Variants in BFSP2 observed in about 807,000 individuals in gnomAD.
BFSP2 encodes the protein phakinin.
BFSP2 carries 38 observed loss-of-function variants against 44.9 expected under a neutral mutation model. The ratio of observed to expected loss-of-function variants is 0.85; its 90% CI spans 0.65 to 1.11. The LOEUF (loss-of-function observed/expected upper bound fraction) is 1.11, where lower values mean the gene tolerates loss of function less well. Among genes scored for constraint, BFSP2 ranks in the 50% least tolerant of loss-of-function variants. The probability of loss-of-function intolerance (pLI) is 0.00; values close to 1 mark genes in which losing one functional copy is unlikely to be tolerated. For missense variants in BFSP2, 525 were observed against 533.0 expected, an observed-to-expected ratio of 0.99 and a Z score of 0.15; for synonymous variants, 197 against 209.9, an observed-to-expected ratio of 0.94 and a Z score of 0.53.
At chr3:133,421,426 C>T (rs11712885) in intron 1 of BFSP2, among the ~76,000 whole-genome samples, 89,273 of 152,096 alleles carry the variant, frequency 0.59, 28,109 homozygotes, top group East Asian at 0.83. Context: ...GCGGGCAATC[C>T]TTGGCCTTCC....
At chr3:133,412,609 G>T (rs535816147) in intron 1 of BFSP2, 1 of 152,268 alleles carries the variant, frequency 6.6e-6, no homozygotes, top group East Asian at 1.9e-4. Context: ...GGTGGGAGCC[G>T]GGCATGGCGT....
chr3:133,434,992 C>G (rs1476774059), intron 1 of BFSP2, among the ~76,000 whole-genome samples: 2 of 152,196 alleles, frequency 1.3e-5, no homozygotes, highest in South Asian at 2.1e-4. Flanking sequence ...CCCTAAAGAA[C>G]TGAGGGCCTT....
intron 1 of BFSP2, among the ~76,000 whole-genome samples, chr3:133,433,047 A>G (rs1021324619): frequency 6.6e-6 from 1 of 152,172 alleles, no homozygotes; most frequent in African/African-American, 2.4e-5. Flanking sequence ...CATACCTGAC[A>G]CATATACTTT....
intron 1 of BFSP2, among the ~76,000 whole-genome samples, chr3:133,444,661 C>G (rs1248870078): frequency 6.6e-6 from 1 of 152,128 alleles, no homozygotes; most frequent in African/African-American, 2.4e-5. Context: ...GCGGTCACCC[C>G]TAATTGTTTT....
Position 133,472,476 on chromosome 3 carries a change from A to T in BFSP2, c.1155A>T (p.Gln385His). 6.2e-7 allele frequency: 1 copy of T among 1,613,810 alleles called. No homozygotes were observed. The highest frequency in any genetic ancestry group is 8.5e-7 in the Non-Finnish European group (1 of 1,180,012). ...TCCGAGCGGAGGCGGAGCAGCAGCA[A>T]CAGGAGCGCGCGCATCTGCTGGCCC... ...REIRAEAEQQQQERAHLLARK... is the reference protein window; with the variant it reads ...REIRAEAEQQHQERAHLLARK... Residue 385 changes from glutamine to histidine, a missense_variant, in exon 6 of 7, where the codon CAA becomes CAT. By Grantham distance (24) the Gln-to-His change is conservative (BLOSUM62 0). Transcript: ENST00000302334.
chr3:133,412,752 T>C (rs1241134519), intron 1 of BFSP2, among the ~76,000 whole-genome samples: 1 of 152,130 alleles, frequency 6.6e-6, no homozygotes. Context: ...CAGCGGGTGT[T>C]CAAGAAACGG....
chr3:133,451,459 A>G (rs2073965080), intron 4 of BFSP2, among the ~76,000 whole-genome samples: 1 of 152,246 alleles, frequency 6.6e-6, no homozygotes, highest in African/African-American at 2.4e-5. Context: ...CAGCGCTGCC[A>G]CTGCAGTGTA....
At position 133,472,569 on chromosome 3, in the gene BFSP2, A is replaced by G; in HGVS notation, c.1244+4A>G. On this transcript the variant is annotated splice_donor_region_variant and intron_variant, in intron 6 of 6. Coordinates refer to ENST00000302334, the MANE Select transcript of BFSP2 (RefSeq NM_003571.4). ...TGCTGGACAGGGAGGAGAGCGGGTA[A>G]GCCTCGCTTCCGCGTCAATTATCCA... 3.1e-6 allele frequency: 5 copies of G among 1,611,288 alleles called. No homozygotes were observed. The highest frequency in any genetic ancestry group is 4.2e-6 in the Non-Finnish European group (5 of 1,179,632).
intron 1 of BFSP2, among the ~76,000 whole-genome samples, chr3:133,440,505 G>T (rs572879107): frequency 1.3e-5 from 2 of 152,100 alleles, no homozygotes; most frequent in African/African-American, 4.8e-5. Flanking sequence ...GTTATAAATG[G>T]TAGGGTTTAA....
chr3:133,450,565 T>A, intron 4 of BFSP2, 101 bp downstream of exon 4: 1 of 1,375,782 alleles, frequency 7.3e-7, no homozygotes, highest in Non-Finnish European at 1.0e-6. Flanking sequence ...AACAACGGTT[T>A]AGTAACAAGT....
chr3:133,445,113 G>A (rs1204370377), intron 1 of BFSP2, among the ~76,000 whole-genome samples: 11 of 152,238 alleles, frequency 7.2e-5, no homozygotes, highest in Admixed American at 7.2e-4. Context: ...AGAAATTAAG[G>A]CAAGAATGAA....
At chr3:133,457,822 T>C (rs1214531000) in intron 4 of BFSP2, among the ~76,000 whole-genome samples, 1 of 152,236 alleles carries the variant, frequency 6.6e-6, no homozygotes, top group Admixed American at 6.5e-5. Context: ...ACTATCTAGC[T>C]AGTCACAGAA....
intron 1 of BFSP2, among the ~76,000 whole-genome samples, chr3:133,411,611 C>T (rs1267361747): frequency 1.3e-5 from 2 of 152,030 alleles, no homozygotes; most frequent in Non-Finnish European, 2.9e-5. Context: ...GTCAGATGAA[C>T]GGGTTAATTC....
At chr3:133,423,809 T>C (rs1395044666) in intron 1 of BFSP2, among the ~76,000 whole-genome samples, 5 of 152,002 alleles carry the variant, frequency 3.3e-5, no homozygotes, top group Admixed American at 1.3e-4. Context: ...AGCGGCAAAA[T>C]GTTCTTTGTG....
rs547433319 is a variant in BFSP2 at position 133,402,950 on chromosome 3, A to G, written c.489+2378A>G. ...GAGTCACCATGCCCAGCCTGGAGTT[A>G]CTTTTTCTATATTGCACAGCCCAGC... On this transcript the variant is annotated intron_variant, in intron 1 of 6. Transcript: ENST00000302334. Among the ~76,000 whole-genome samples the G allele has an allele frequency of 1.3e-4, 20 of 152,192 alleles. No individual in the cohort carries two copies. In the South Asian group the frequency reaches 3.7e-3, roughly 28 times the overall value.
chr3:133,447,217 G>A (rs1426443836), intron 1 of BFSP2, 100 bp from the exon 2 acceptor site: 1 of 1,220,686 alleles, frequency 8.2e-7, no homozygotes, highest in Non-Finnish European at 1.2e-6. Context: ...AAGGTTCTCT[G>A]AGGTCCCCCA....
At chr3:133,421,792 C>A (rs1391047089) in intron 1 of BFSP2, among the ~76,000 whole-genome samples, 2 of 152,214 alleles carry the variant, frequency 1.3e-5, no homozygotes, top group Admixed American at 1.3e-4. Flanking sequence ...TTCATCCTCT[C>A]TTCCTTTTGT....
chr3:133,473,378 C>T (rs977577295), intron 6 of BFSP2, among the ~76,000 whole-genome samples: 5 of 148,244 alleles, frequency 3.4e-5, no homozygotes, highest in Non-Finnish European at 7.4e-5. Flanking sequence ...CATATGCCAG[C>T]CACAGATCCA....
intron 1 of BFSP2, among the ~76,000 whole-genome samples, chr3:133,427,296 T>C (rs562608359): frequency 3.9e-5 from 6 of 152,334 alleles, no homozygotes; most frequent in African/African-American, 1.4e-4. Context: ...GAACCCAGCA[T>C]GTTCTCCGTA....
Sources: gnomAD v4.1 joint callset for allele counts (sites outside exome capture counted in the v4.1 genomes callset) on GRCh38, gnomAD v4.1.1 for gene constraint, MANE v1.5 for transcripts, NCBI Gene and HGNC (gene_info 2026-07-23, HGNC 2026-07-21) for gene names.